The following MED12L variants were observed in gnomAD, a reference collection of about 807,000 sequenced individuals.
The protein encoded by MED12L is mediator of RNA polymerase II transcription subunit 12-like protein.
Under a neutral mutation model 281.3 loss-of-function variants are expected in MED12L, and 60 were observed. The observed-to-expected ratio is 0.21, with a 90% CI of 0.17 to 0.26. The LOEUF is 0.26. Among genes scored for constraint, MED12L ranks in the 10% least tolerant of loss-of-function variants. MED12L has a pLI of 1.00. For missense variants in MED12L, 2,146 were observed against 2,680.9 expected, an observed-to-expected ratio of 0.80 and a Z score of 4.41; for synonymous variants, 974 against 987.2, an observed-to-expected ratio of 0.99 and a Z score of 0.25.
chr3:151,093,319 A>T, intron 2 of MED12L, among the ~76,000 whole-genome samples: 1 of 152,138 alleles, frequency 6.6e-6, no homozygotes, highest in East Asian at 1.9e-4. Context: ...AAATGCAGAT[A>T]AAGTGGCCCA....
chr3:151,193,687 A>C, intron 16 of MED12L, 21 bp downstream of exon 16: 2 of 1,572,830 alleles, frequency 1.3e-6, no homozygotes, highest in Non-Finnish European at 1.7e-6. Flanking sequence ...GCTTCAGTTA[A>C]TCTATACCCT....
intron 2 of MED12L, among the ~76,000 whole-genome samples, chr3:151,111,973 G>GT (rs1024997114): frequency 4.6e-5 from 7 of 152,078 alleles, no homozygotes; most frequent in African/African-American, 1.4e-4. Context: ...ACCTTCAACT[G>GT]TTTTTTTCCC....
chr3:151,171,036 G>A (rs181919538), intron 11 of MED12L, among the ~76,000 whole-genome samples: 1 of 152,324 alleles, frequency 6.6e-6, no homozygotes, highest in East Asian at 1.9e-4. Flanking sequence ...GTGCAGCCAG[G>A]CAGTGTGTCT....
intron 16 of MED12L, chr3:151,198,497 G>C: frequency 1.9e-6 from 3 of 1,613,456 alleles, no homozygotes; most frequent in Non-Finnish European, 2.5e-6. Flanking sequence ...AAAAGTCTCA[G>C]TGACCTTTGA....
chr3:151,408,126 G>C (rs1242595058), intron 39 of MED12L, among the ~76,000 whole-genome samples: 1 of 152,166 alleles, frequency 6.6e-6, no homozygotes, highest in Admixed American at 6.5e-5. Context: ...GCACTGCCAG[G>C]TCTTGCTGGG....
rs1359052772 is a variant in MED12L at position 151,370,049 on chromosome 3, C to G, written c.3664+500C>G. The stretch of plus-strand genomic sequence containing the variant: ...TTTTTGATGACCCAGGCAATAGTTG[C>G]AATGATGTTGATATTATTGATAAAT... On this transcript the variant is annotated intron_variant, in intron 26 of 44. Transcript: ENST00000687756. Among the ~76,000 whole-genome samples the G allele has an allele frequency of 2.0e-5, 3 of 152,186 alleles. No homozygotes were observed. In the South Asian group the frequency reaches 6.2e-4, roughly 32 times the overall value.
At chr3:151,421,094 G>T (rs1446515574) in intron 43 of MED12L, among the ~76,000 whole-genome samples, 1 of 152,172 alleles carries the variant, frequency 6.6e-6, no homozygotes, top group Non-Finnish European at 1.5e-5. Flanking sequence ...ATGAGTGGAA[G>T]TCCACGTTGC....
At chr3:151,294,159 A>G (rs1414875676) in intron 16 of MED12L, 2 of 1,477,632 alleles carry the variant, frequency 1.4e-6, no homozygotes, top group Non-Finnish European at 1.9e-6. Flanking sequence ...TCCAACAAAC[A>G]ATAAAAGGCC....
intron 16 of MED12L, among the ~76,000 whole-genome samples, chr3:151,261,215 A>G (rs1466903061): frequency 1.3e-5 from 2 of 152,068 alleles, no homozygotes; most frequent in Non-Finnish European, 2.9e-5. Flanking sequence ...TTAGAGAGGT[A>G]TTTTGCATGA....
chr3:151,313,835 A>C (rs1223137057), intron 16 of MED12L, among the ~76,000 whole-genome samples: 4 of 152,050 alleles, frequency 2.6e-5, no homozygotes, highest in Non-Finnish European at 5.9e-5. Context: ...GAGGCAGGAG[A>C]ATCGCTTGAA....
chr3:151,408,720 C>A (rs1397326210), intron 39 of MED12L, among the ~76,000 whole-genome samples: 1 of 152,200 alleles, frequency 6.6e-6, no homozygotes, highest in Non-Finnish European at 1.5e-5. Context: ...AATTTATCGA[C>A]TATATTCTCA....
intron 16 of MED12L, among the ~76,000 whole-genome samples, chr3:151,305,528 G>A (rs939832326): frequency 9.2e-5 from 14 of 152,128 alleles, no homozygotes; most frequent in African/African-American, 3.1e-4. Flanking sequence ...AATCTTCAGA[G>A]CTACCCTAGG....
At chr3:151,141,146 C>T (rs917238876) in intron 5 of MED12L, among the ~76,000 whole-genome samples, 3 of 131,806 alleles carry the variant, frequency 2.3e-5, no homozygotes, top group South Asian at 4.8e-4. Flanking sequence ...GGATTACAGG[C>T]GTGAGCCACC....
intron 43 of MED12L, among the ~76,000 whole-genome samples, chr3:151,419,524 C>T (rs998412352): frequency 6.6e-6 from 1 of 152,170 alleles, no homozygotes; most frequent in Non-Finnish European, 1.5e-5. Flanking sequence ...CCCCATCGCA[C>T]TGACTCAAAT....
chr3:151,129,796 G>A (rs1404801794), intron 5 of MED12L, among the ~76,000 whole-genome samples: 1 of 151,696 alleles, frequency 6.6e-6, no homozygotes, highest in South Asian at 2.1e-4. Context: ...TTAGAGGTGG[G>A]GGGTCTCAGT....
At chr3:151,117,113 G>A (rs1226880978) in intron 3 of MED12L, among the ~76,000 whole-genome samples, 1 of 151,922 alleles carries the variant, frequency 6.6e-6, no homozygotes, top group African/African-American at 2.4e-5. Flanking sequence ...GTTTTACTTG[G>A]CATTCTTTTA....
chr3:151,129,033 T>G (rs925368160), intron 5 of MED12L, among the ~76,000 whole-genome samples: 2 of 152,224 alleles, frequency 1.3e-5, no homozygotes, highest in African/African-American at 4.8e-5. Flanking sequence ...GAAATGTACA[T>G]AAAGAGTTAT....
chr3:151,327,187 G>A (rs887865383), intron 16 of MED12L: 1 of 152,108 alleles, frequency 6.6e-6, no homozygotes, highest in Non-Finnish European at 1.5e-5. Flanking sequence ...AACAGTAGAA[G>A]TATTTGTTTT....
intron 16 of MED12L, among the ~76,000 whole-genome samples, chr3:151,203,722 A>G (rs966241745): frequency 6.6e-6 from 1 of 152,154 alleles, no homozygotes; most frequent in African/African-American, 2.4e-5. Flanking sequence ...AAATAGAAAT[A>G]AAAAAGGAAC....
Sources: allele counts gnomAD v4.1 joint callset (sites outside exome capture counted in the v4.1 genomes callset), GRCh38; gene constraint gnomAD v4.1.1; transcripts MANE v1.5; gene names NCBI Gene and HGNC (gene_info 2026-07-23, HGNC 2026-07-21).